The following ZMYM4 variants were observed in gnomAD, a reference collection of about 807,000 sequenced individuals.
ZMYM4 encodes zinc finger MYM-type containing 4.
ZMYM4 carries 31 observed loss-of-function variants against 183.2 expected under a neutral mutation model. That is an observed-to-expected ratio of 0.17 (90% confidence interval 0.13 to 0.23). The LOEUF (loss-of-function observed/expected upper bound fraction) is 0.23, where lower values mean the gene tolerates loss of function less well. Ranked by LOEUF, ZMYM4 falls within the 10% of genes least tolerant of loss-of-function variation. ZMYM4 has a pLI of 1.00. For synonymous variants in ZMYM4, 592 were observed against 631.2 expected (o/e 0.94, Z 0.93); for missense variants, 1,273 against 1,840.3 (o/e 0.69, Z 5.64).
Position 35,359,359 on chromosome 1 carries a change from G to A in ZMYM4, c.520G>A (p.Asp174Asn), listed in dbSNP as rs1643890299. The A allele has an allele frequency of 6.2e-7, 1 of 1,606,650 alleles. No individual in the cohort carries two copies. Among genetic ancestry groups the A allele is most frequent in the South Asian group, 1.1e-5 (1 of 88,732 alleles). ...ATTTTCTGGAAAGGAGAAAAATAGA[G>A]ACCTAACTTATGAACGTGAAAAACG... Reference protein sequence around the residue: ...ETFSGKEKNRDLTYEREKRLD... With the variant: ...ETFSGKEKNRNLTYEREKRLD... Residue 174 changes from aspartate to asparagine, a missense_variant, in exon 3 of 30, where the codon GAC (aspartate) becomes AAC (asparagine). Coordinates refer to ENST00000314607, the MANE Select transcript of ZMYM4 (RefSeq NM_005095.3).
At chr1:35,404,966 ACT>A in intron 23 of ZMYM4, 55 bp from the exon 24 acceptor site, 1 of 1,511,140 alleles carries the variant, frequency 6.6e-7, no homozygotes, top group Non-Finnish European at 8.9e-7. Flanking sequence ...GAGAACCCTG[ACT>A]CTTAAAAATC....
At chr1:35,369,871 T>G (rs1406025809) in intron 5 of ZMYM4, among the ~76,000 whole-genome samples, 158 bp from the exon 6 acceptor site, 1 of 152,152 alleles carries the variant, frequency 6.6e-6, no homozygotes, top group Non-Finnish European at 1.5e-5. Flanking sequence ...CTATATTTAA[T>G]TATAGTTTGC....
At chr1:35,269,374 G>A (rs1000000642) in intron 1 of ZMYM4, among the ~76,000 whole-genome samples, 1 of 152,060 alleles carries the variant, frequency 6.6e-6, no homozygotes, top group African/African-American at 2.4e-5. Flanking sequence ...GAGGGGAGGT[G>A]TCAGATTCTT....
At chr1:35,322,958 AG>A (rs1385043491) in intron 1 of ZMYM4, among the ~76,000 whole-genome samples, 21 of 148,806 alleles carry the variant, frequency 1.4e-4, no homozygotes, top group Admixed American at 7.4e-4. Flanking sequence ...CCAAAGTGCT[AG>A]GATTACAGGC....
At chr1:35,396,850 C>T (rs1305698937) in intron 19 of ZMYM4, among the ~76,000 whole-genome samples, 180 bp downstream of exon 19, 2 of 152,040 alleles carry the variant, frequency 1.3e-5, no homozygotes, top group African/African-American at 4.8e-5. Context: ...TATTTGTACC[C>T]TTCCTTCTCA....
intron 1 of ZMYM4, among the ~76,000 whole-genome samples, chr1:35,306,485 C>G (rs1276704547): frequency 5.9e-5 from 9 of 152,142 alleles, no homozygotes; most frequent in Non-Finnish European, 1.2e-4. Flanking sequence ...CCCCTCTAAC[C>G]TACCTTCTTT....
chr1:35,284,008 C>T (rs1198164343), intron 1 of ZMYM4, among the ~76,000 whole-genome samples: 2 of 150,768 alleles, frequency 1.3e-5, no homozygotes, highest in African/African-American at 4.9e-5. Context: ...CTCGCTCTGT[C>T]GCCCAGGCTG....
At chr1:35,341,269 AC>A (rs1333020881) in intron 2 of ZMYM4, among the ~76,000 whole-genome samples, 2 of 152,058 alleles carry the variant, frequency 1.3e-5, no homozygotes, top group African/African-American at 4.8e-5. Context: ...GATTTTATAT[AC>A]TTTCCAAAAA....
At chr1:35,331,934 A>G (rs1262131181) in intron 2 of ZMYM4, among the ~76,000 whole-genome samples, 3 of 151,928 alleles carry the variant, frequency 2.0e-5, no homozygotes, top group African/African-American at 7.2e-5. Flanking sequence ...GGGTGGTAAA[A>G]GTATGTTGTA....
rs1641006795 is a variant in ZMYM4, at chr1:35,296,327, T to C, written c.39+27242T>C. 2.0e-5 allele frequency among the ~76,000 whole-genome samples: 3 copies of C among 152,084 alleles called. 1 individual carries two copies. The South Asian group carries it at 6.2e-4, about 32-fold the overall frequency. On this transcript the variant is annotated intron_variant, in intron 1 of 29. Transcript: ENST00000314607. ...AATATAGACTATTGTTGAATCTAAG[T>C]TTCAGTCAACAACCAGAGAAGCCAC... is the stretch of plus-strand genomic sequence containing the variant.
At chr1:35,320,798 C>A (rs1264765225) in intron 1 of ZMYM4, among the ~76,000 whole-genome samples, 1 of 152,138 alleles carries the variant, frequency 6.6e-6, no homozygotes, top group Non-Finnish European at 1.5e-5. Context: ...CTGAAATGTT[C>A]TGTGTTGCGA....
intron 18 of ZMYM4, among the ~76,000 whole-genome samples, chr1:35,395,432 T>TA (rs893848921): frequency 1.3e-4 from 20 of 148,490 alleles, no homozygotes; most frequent in East Asian, 7.8e-4. Flanking sequence ...CCCCATCTGT[T>TA]AAAAAAAAAA....
chr1:35,412,029 G>A (rs371879619), intron 26 of ZMYM4, among the ~76,000 whole-genome samples: 104 of 151,378 alleles, frequency 6.9e-4, no homozygotes, highest in African/African-American at 1.7e-3. Context: ...GACTACAGGC[G>A]CCCGCCACCG....
At chr1:35,282,233 G>A (rs1270870195) in intron 1 of ZMYM4, among the ~76,000 whole-genome samples, 1 of 152,210 alleles carries the variant, frequency 6.6e-6, no homozygotes, top group Admixed American at 6.5e-5. Context: ...GGGCCCTAGT[G>A]GGAGGTGTTT....
At chr1:35,406,731 G>A (rs1392900522) in intron 25 of ZMYM4, among the ~76,000 whole-genome samples, 1 of 152,100 alleles carries the variant, frequency 6.6e-6, no homozygotes, top group Admixed American at 6.5e-5. Context: ...AACATGGTCG[G>A]TGCTCTCATG....
Position 35,398,974 on chromosome 1 carries a change from G to T in ZMYM4, c.3364G>T (p.Ala1122Ser). Residue 1122 changes from alanine (A) to serine (S), a missense_variant, in exon 22 of 30, where the codon GCT becomes TCT. Transcript: ENST00000314607. ...CTTAAAGTCAAATGCTGTGCAAGAG[G>T]CTGATTCAGAATTGAAGCAGTTCTC... ...YALKSNAVQEADSELKQFSKG... is the reference protein window; with the variant it reads ...YALKSNAVQESDSELKQFSKG... 6.2e-7 allele frequency: 1 copy of T among 1,614,114 alleles called. No individual in the cohort carries two copies. The highest frequency in any genetic ancestry group is 1.1e-5 in the South Asian group (1 of 91,082).
intron 5 of ZMYM4, among the ~76,000 whole-genome samples, chr1:35,365,388 C>G (rs1036506610): frequency 6.6e-6 from 1 of 151,662 alleles, no homozygotes; most frequent in Non-Finnish European, 1.5e-5. Flanking sequence ...TCCATAGGGT[C>G]TAAAAACTGT....
intron 15 of ZMYM4, among the ~76,000 whole-genome samples, chr1:35,391,561 A>G (rs2148991981): frequency 6.6e-6 from 1 of 152,330 alleles, no homozygotes; most frequent in Non-Finnish European, 1.5e-5. Flanking sequence ...AATTATTTCT[A>G]TATAAAGGCA....
At chr1:35,283,030 A>T (rs1390360710) in intron 1 of ZMYM4, among the ~76,000 whole-genome samples, 6 of 78,212 alleles carry the variant, frequency 7.7e-5, no homozygotes, top group East Asian at 8.3e-4. Context: ...ACAGAGTGTT[A>T]CTCTGTTGCC....
Sources: allele counts gnomAD v4.1 joint callset (sites outside exome capture counted in the v4.1 genomes callset), GRCh38; gene constraint gnomAD v4.1.1; transcripts MANE v1.5; gene names NCBI Gene and HGNC (gene_info 2026-07-23, HGNC 2026-07-21).